Variants in HECW1 observed in about 807,000 individuals in gnomAD.
HECW1 encodes E3 ubiquitin-protein ligase HECW1.
HECW1 carries 61 observed loss-of-function variants against 182.3 expected under a neutral mutation model. The ratio of observed to expected loss-of-function variants is 0.33; its 90% CI spans 0.27 to 0.41. The LOEUF (loss-of-function observed/expected upper bound fraction) is 0.41. HECW1 is among the 10% of genes least tolerant of loss of function. The pLI, the probability that HECW1 is intolerant of heterozygous loss-of-function variation, is 1.00. For synonymous variants in HECW1, 859 were observed against 832.6 expected, an observed-to-expected ratio of 1.03 and a Z score of -0.55; for missense variants, 1,739 against 2,108.9, an observed-to-expected ratio of 0.82 and a Z score of 3.44.
chr7:43,496,798 G>A (rs892938825), intron 19 of HECW1, among the ~76,000 whole-genome samples: 1 of 152,208 alleles, frequency 6.6e-6, no homozygotes, highest in African/African-American at 2.4e-5. Context: ...GCCACATGTA[G>A]AGAAGGGGAT....
At chr7:43,290,960 G>A (rs1805325016) in intron 3 of HECW1, among the ~76,000 whole-genome samples, 1 of 152,224 alleles carries the variant, frequency 6.6e-6, no homozygotes, top group African/African-American at 2.4e-5. Context: ...ATCAAGAGAA[G>A]ACTGCATATG....
intron 23 of HECW1, 183 bp from the exon 24 acceptor site, chr7:43,508,779 AACCAATT>A: frequency 1.6e-6 from 1 of 627,642 alleles, no homozygotes; most frequent in Non-Finnish European, 2.8e-6. Flanking sequence ...AACATCTCCA[AACCAATT>A]ACTGCATCCT....
At chr7:43,327,941 A>G (rs1811002824) in intron 5 of HECW1, among the ~76,000 whole-genome samples, 1 of 150,280 alleles carries the variant, frequency 6.7e-6, no homozygotes, top group African/African-American at 2.5e-5. Flanking sequence ...CTTAGACTTT[A>G]TGTAGTCTAT....
At chr7:43,548,262 A>G (rs1252075504) in intron 26 of HECW1, among the ~76,000 whole-genome samples, 1 of 152,162 alleles carries the variant, frequency 6.6e-6, no homozygotes, top group Non-Finnish European at 1.5e-5. Context: ...TTCATTTTAA[A>G]AAAGCTTCTA....
intron 4 of HECW1, among the ~76,000 whole-genome samples, chr7:43,314,615 G>T (rs890177696): frequency 1.3e-5 from 2 of 152,222 alleles, no homozygotes; most frequent in African/African-American, 4.8e-5. Context: ...TGAGACAAAA[G>T]TAACCACAAC....
chr7:43,354,833 C>A, intron 5 of HECW1, among the ~76,000 whole-genome samples: 1 of 152,016 alleles, frequency 6.6e-6, no homozygotes, highest in East Asian at 1.9e-4. Flanking sequence ...CAAACAGATT[C>A]AACTCAAATA....
At chr7:43,305,585 T>TTTGTTG (rs144135825) in intron 3 of HECW1, among the ~76,000 whole-genome samples, 1,867 of 150,752 alleles carry the variant, frequency 0.012, 34 homozygotes, top group East Asian at 0.048. Flanking sequence ...TGGATAGTGT[T>TTTGTTG]TTGTTGTTGT....
At chr7:43,375,942 T>C (rs1412485209) in intron 6 of HECW1, among the ~76,000 whole-genome samples, 1 of 147,838 alleles carries the variant, frequency 6.8e-6, no homozygotes, top group Non-Finnish European at 1.5e-5. Context: ...AGACTTGCCA[T>C]GGTAAAGATA....
At chr7:43,257,337 G>A (rs1341410221) in intron 3 of HECW1, among the ~76,000 whole-genome samples, 1 of 152,184 alleles carries the variant, frequency 6.6e-6, no homozygotes, top group Non-Finnish European at 1.5e-5. Flanking sequence ...TTGAAACACA[G>A]CATTTATATC....
intron 2 of HECW1, among the ~76,000 whole-genome samples, chr7:43,225,718 G>T (rs560838237): frequency 1.3e-5 from 2 of 151,970 alleles, no homozygotes; most frequent in East Asian, 1.9e-4. Flanking sequence ...AATAATGATA[G>T]AAAATGCTGC....
rs140116704 is a variant in HECW1 at position 43,530,812 on chromosome 7, C to T, written c.4020-10351C>T. On this transcript the variant is annotated intron_variant, in intron 24 of 29. Transcript: ENST00000395891. ...CCTGCTGATTTACCTCCAAATTGTT[C>T]GGCATGATGCCCTTGACATATTGTA... Among the ~76,000 whole-genome samples, 403 of 152,262 alleles carry T rather than the reference C, an allele frequency of 2.6e-3. 1 individual carries two copies. The highest frequency in any genetic ancestry group is 4.9e-3 in the Non-Finnish European group (331 of 68,024).
intron 2 of HECW1, among the ~76,000 whole-genome samples, chr7:43,140,124 A>AT (rs57771277): frequency 0.56 from 84,382 of 151,796 alleles, 24,066 homozygotes; most frequent in African/African-American, 0.68. Context: ...TTTGTTTCAT[A>AT]TTTTTTCCCC....
At chr7:43,117,430 C>A (rs1785148079) in intron 2 of HECW1, among the ~76,000 whole-genome samples, 1 of 151,892 alleles carries the variant, frequency 6.6e-6, no homozygotes, top group African/African-American at 2.4e-5. Context: ...CACCCCCCAC[C>A]CGCCCCACCA....
chr7:43,508,874 C>G, intron 23 of HECW1, 95 bp from the exon 24 acceptor site: 1 of 1,348,572 alleles, frequency 7.4e-7, no homozygotes, highest in Non-Finnish European at 1.0e-6. Context: ...TCCCCAGCAC[C>G]CAACTCTGAA....
intron 2 of HECW1, among the ~76,000 whole-genome samples, chr7:43,163,356 CACAT>C (rs1343593786): frequency 1.3e-5 from 2 of 152,218 alleles, no homozygotes; most frequent in Admixed American, 6.5e-5. Context: ...CATGCACACA[CACAT>C]ACACACCCCC....
intron 4 of HECW1, among the ~76,000 whole-genome samples, chr7:43,312,928 C>A (rs571514294): frequency 6.6e-6 from 1 of 152,226 alleles, no homozygotes; most frequent in Admixed American, 6.5e-5. Flanking sequence ...CCGGGTCATC[C>A]GAGGCCAGGC....
rs575204039 is a variant in HECW1, at chr7:43,360,781, G to A, written c.461-105G>A. 1.5e-4 allele frequency: 127 copies of A among 829,608 alleles called. No individual in the cohort carries two copies. In the African/African-American group the frequency reaches 1.8e-3, roughly 12 times the overall value. The allele number at this position is 829,608 out of a possible 1,614,324, so 51.4% of individuals were successfully genotyped here. ...TTGTCGAGTGTGGCCTGGCTTGCTCGTGGGGGAATTATGTTGCAGTTCTTA... is the reference window on the plus strand; with the variant it reads ...TTGTCGAGTGTGGCCTGGCTTGCTCATGGGGGAATTATGTTGCAGTTCTTA... On this transcript the variant is annotated intron_variant, in intron 5 of 29. Coordinates refer to ENST00000395891, the MANE Select transcript of HECW1 (RefSeq NM_015052.5).
intron 2 of HECW1, among the ~76,000 whole-genome samples, chr7:43,128,904 G>C (rs1672046922): frequency 6.6e-6 from 1 of 151,900 alleles, no homozygotes; most frequent in African/African-American, 2.4e-5. Flanking sequence ...AGATGGAATG[G>C]AAATAACAAC....
Position 43,337,148 on chromosome 7 carries a change from A to G in HECW1, c.460+16406A>G, listed in dbSNP as rs140835828. ...TTTTCCATAGAGGTTGAACTAATTT[A>G]CACTCCCACCAAAAGTATATGAGTG... On this transcript the variant is annotated intron_variant, in intron 5 of 29. Coordinates refer to ENST00000395891, the MANE Select transcript of HECW1 (RefSeq NM_015052.5). 7.9e-4 allele frequency among the ~76,000 whole-genome samples: 121 copies of G among 152,326 alleles called. 1 individual carries two copies. The highest frequency in any genetic ancestry group is 1.9e-3 in the South Asian group (9 of 4,824).
Sources: gnomAD v4.1 joint callset for allele counts (sites outside exome capture counted in the v4.1 genomes callset) on GRCh38, gnomAD v4.1.1 for gene constraint, MANE v1.5 for transcripts, NCBI Gene and HGNC (gene_info 2026-07-23, HGNC 2026-07-21) for gene names.